Variants in CLEC12A observed in about 807,000 individuals in gnomAD.
CLEC12A encodes C-type lectin protein CLL-1.
CLEC12A carries 22 observed loss-of-function variants against 26.5 expected under a neutral mutation model. The ratio of observed to expected loss-of-function variants is 0.83; its 90% CI spans 0.59 to 1.19. The LOEUF (loss-of-function observed/expected upper bound fraction) is 1.19. CLEC12A is among the 50% of genes most tolerant of loss of function. The probability of loss-of-function intolerance (pLI) is 0.00; values close to 1 mark genes in which losing one functional copy is unlikely to be tolerated. For synonymous variants in CLEC12A, 119 were observed against 101.9 expected (o/e 1.17, Z -1.01); for missense variants, 353 against 315.6 (o/e 1.12, Z -0.90).
At chr12:9,967,494 G>A (rs1334492323), upstream of CLEC12A, among the ~76,000 whole-genome samples, 4 of 152,148 alleles carry the variant, frequency 2.6e-5, no homozygotes, top group African/African-American at 9.7e-5. Flanking sequence ...AATTGAAGAG[G>A]TTTTAGGTTT....
At chr12:9,979,626 G>A in intron 3 of CLEC12A, 102 bp downstream of exon 3, 1 of 839,330 alleles carries the variant, frequency 1.2e-6, no homozygotes, top group East Asian at 2.7e-5. Context: ...TCTCTAGGGA[G>A]TCATAATTTG....
upstream of CLEC12A, among the ~76,000 whole-genome samples, chr12:9,966,925 C>T (rs1201809858): frequency 1.5e-5 from 2 of 137,638 alleles, no homozygotes; most frequent in African/African-American, 5.5e-5. Context: ...AGAGCCTAAA[C>T]GCTATCTGAT....
downstream of CLEC12A, chr12:9,986,109 T>C (rs77140517): frequency 0.017 from 7,643 of 455,328 alleles, 82 homozygotes; most frequent in Non-Finnish European, 0.026. Context: ...GATGCCAAAA[T>C]GACGGAGAGC....
chr12:10,004,409 G>A, the CLEC12A span, among the ~76,000 whole-genome samples: 2 of 152,168 alleles, frequency 1.3e-5, no homozygotes, highest in South Asian at 2.1e-4. Flanking sequence ...GATGAATGGG[G>A]AGCTGGAAGG....
chr12:9,984,887 C>G lies in CLEC12A; in HGVS notation c.659C>G (p.Pro220Arg). 3 of 1,524,336 alleles carry G rather than the reference C, an allele frequency of 2.0e-6. No individual in the cohort carries two copies. The East Asian group carries it at 7.3e-5, about 37-fold the overall frequency. 94.4% of individuals were successfully genotyped at this position (1,524,336 alleles called of 1,614,324 possible). ...NSSAWVIRNA[P>R]DLNNMYCGYI... ...TCTTTCAGGGTTATAAGAAACGCAC[C>G]TGACTTAAATAACATGTATTGTGGA... The change falls in exon 6 of 6, where the codon CCT (proline) becomes CGT (arginine). Residue 220 changes from proline (P) to arginine (R), a missense_variant. Pro to Arg is a moderately radical substitution (Grantham distance 103). Coordinates refer to ENST00000304361, the MANE Select transcript of CLEC12A (RefSeq NM_138337.6).
chr12:9,956,227 C>G (rs1434795991), intron 1 of CLEC12A, among the ~76,000 whole-genome samples: 1 of 152,232 alleles, frequency 6.6e-6, no homozygotes, highest in East Asian at 1.9e-4. Flanking sequence ...TGGATCCTTT[C>G]TACCCTGTTT....
At position 9,971,417 on chromosome 12, in the gene CLEC12A, T is replaced by G; in HGVS notation, c.-180T>G. The G allele has an allele frequency of 8.1e-7, 1 of 1,228,914 alleles. No homozygotes were observed. The highest frequency in any genetic ancestry group is 1.0e-6 in the Non-Finnish European group (1 of 981,478). 76.1% of individuals were successfully genotyped at this position (1,228,914 alleles called of 1,614,324 possible). On this transcript the variant is annotated 5_prime_UTR_variant, in exon 1 of 6. Coordinates refer to ENST00000304361, the MANE Select transcript of CLEC12A (RefSeq NM_138337.6). ...AGCCACAGATGAGATTTGGCTCATT[T>G]GCAGACATATGGGTGATTGGTACAG...
At chr12:9,980,553 A>G (rs1185032334) in intron 3 of CLEC12A, 29 bp from the exon 4 acceptor site, 2 of 1,603,284 alleles carry the variant, frequency 1.2e-6, no homozygotes, top group Admixed American at 1.7e-5. Context: ...TATCAACAAA[A>G]CCCAAATAAA....
At chr12:9,964,486 T>A (rs867888159) in intron 1 of CLEC12A, among the ~76,000 whole-genome samples, 3 of 151,826 alleles carry the variant, frequency 2.0e-5, no homozygotes, top group African/African-American at 7.3e-5. Flanking sequence ...AGAATAAGAT[T>A]GAGTATAAAA....
downstream of CLEC12A, among the ~76,000 whole-genome samples, chr12:9,988,477 C>A (rs1001046687): frequency 6.6e-6 from 1 of 152,080 alleles, no homozygotes; most frequent in Admixed American, 6.5e-5. Context: ...TGACAAAGGG[C>A]TAATATCCAG....
At chr12:9,986,895 T>C (rs1864780196), downstream of CLEC12A, among the ~76,000 whole-genome samples, 1 of 152,244 alleles carries the variant, frequency 6.6e-6, no homozygotes, top group Non-Finnish European at 1.5e-5. Flanking sequence ...GACTGAACTT[T>C]ACCTAAAAAT....
downstream of CLEC12A, among the ~76,000 whole-genome samples, chr12:9,989,538 A>G (rs1864848381): frequency 1.3e-5 from 2 of 152,170 alleles, no homozygotes; most frequent in South Asian, 4.1e-4. Flanking sequence ...ACTCTTGTCA[A>G]TTCTGTGATG....
chr12:9,983,025 T>C (rs193171871), intron 5 of CLEC12A, among the ~76,000 whole-genome samples: 2 of 152,262 alleles, frequency 1.3e-5, no homozygotes, highest in Admixed American at 1.3e-4. Flanking sequence ...AAAGAAAGCA[T>C]GGTTTCATGT....
At chr12:9,967,085 G>A (rs954794648), upstream of CLEC12A, among the ~76,000 whole-genome samples, 6 of 151,948 alleles carry the variant, frequency 3.9e-5, no homozygotes, top group South Asian at 2.1e-4. Context: ...GTGATAAAAG[G>A]ATTACAGGGT....
chr12:9,980,443 A>G (rs1406130359), intron 3 of CLEC12A, 139 bp from the exon 4 acceptor site: 2 of 953,828 alleles, frequency 2.1e-6, no homozygotes, highest in Non-Finnish European at 3.0e-6. Context: ...GTCAAAAAAA[A>G]AAAAAGGGGG....
chr12:10,003,925 A>G, the CLEC12A span, among the ~76,000 whole-genome samples: 1 of 152,118 alleles, frequency 6.6e-6, no homozygotes, highest in Admixed American at 6.5e-5. Context: ...AAAAGAAATA[A>G]AAAATAAAAA....
At chr12:9,989,742 G>C (rs756479741), downstream of CLEC12A, among the ~76,000 whole-genome samples, 8 of 152,222 alleles carry the variant, frequency 5.3e-5, no homozygotes, top group Non-Finnish European at 7.3e-5. Flanking sequence ...AAACAGCTTT[G>C]TATTGGAAAG....
At chr12:9,978,893 GA>G (rs1326113818) in intron 1 of CLEC12A, 72 bp from the exon 2 acceptor site, 1 of 1,042,938 alleles carries the variant, frequency 9.6e-7, no homozygotes, top group African/African-American at 1.6e-5. Flanking sequence ...ATGAATGAAT[GA>G]ATGAATGAGT....
At position 9,953,086 on chromosome 12, in the gene CLEC12A, G is replaced by C. The variant is rs193190047; in HGVS notation, c.10+1730G>C. On this transcript the variant is annotated intron_variant, in intron 1 of 6. Coordinates refer to the CLEC12A transcript ENST00000355690. ...GCCACCCCGTCCGGGAGGGAGGTGG[G>C]GGGGGTTAGCCCTCCGCCCGGCCAG... The C allele has an allele frequency of 1.4e-3, 209 of 149,624 alleles. 10 individuals carry two copies. The East Asian group carries it at 0.043, about 31-fold the overall frequency. The allele number at this position is 149,624 out of a possible 1,614,324, so 9.3% of individuals were successfully genotyped here.
Sources: allele counts gnomAD v4.1 joint callset (sites outside exome capture counted in the v4.1 genomes callset), GRCh38; gene constraint gnomAD v4.1.1; transcripts MANE v1.5; gene names NCBI Gene and HGNC (gene_info 2026-07-23, HGNC 2026-07-21).